Variants in GPATCH2 observed in about 807,000 individuals in gnomAD.
GPATCH2 encodes G patch domain-containing protein 2.
A neutral mutation model predicts 58.0 loss-of-function variants in GPATCH2; 51 were observed. The observed-to-expected ratio is 0.88, with a 90% CI of 0.70 to 1.11. The LOEUF is 1.11. GPATCH2 is among the 50% of genes most tolerant of loss of function. GPATCH2 has a pLI of 0.00. For missense variants in GPATCH2, 625 were observed against 652.2 expected (o/e 0.96, Z 0.45); for synonymous variants, 222 against 218.5 (o/e 1.02, Z -0.14).
At chr1:217,497,532 A>G (rs2810781) in intron 7 of GPATCH2, among the ~76,000 whole-genome samples, 139,075 of 152,174 alleles carry the variant, frequency 0.91, 63,684 homozygotes, top group African/African-American at 0.97. Flanking sequence ...TATATGCAAC[A>G]GCTGTGAACC....
chr1:217,608,931 T>C (rs4147127), intron 5 of GPATCH2: 606,764 of 981,718 alleles, frequency 0.62, 189,325 homozygotes, highest in African/African-American at 0.68. Flanking sequence ...CACATTCCTG[T>C]TTAATGCATT....
chr1:217,452,352 T>C (rs368564084), intron 8 of GPATCH2, among the ~76,000 whole-genome samples: 1 of 152,230 alleles, frequency 6.6e-6, no homozygotes, highest in African/African-American at 2.4e-5. Context: ...TCAGATACTT[T>C]TAAAGCTCAA....
At chr1:217,623,277 A>G (rs571548178) in intron 1 of GPATCH2, among the ~76,000 whole-genome samples, 3 of 152,188 alleles carry the variant, frequency 2.0e-5, no homozygotes, top group African/African-American at 7.2e-5. Context: ...ATATAATATC[A>G]AATTAAAGTC....
intron 5 of GPATCH2, among the ~76,000 whole-genome samples, chr1:217,560,111 G>C (rs1484933367): frequency 6.6e-6 from 1 of 152,154 alleles, no homozygotes; most frequent in Admixed American, 6.5e-5. Flanking sequence ...CCAAAGTGTT[G>C]GGATTACAGG....
Position 217,491,739 on chromosome 1 carries a change from C to G in GPATCH2, c.1218G>C (p.Leu406=). 1 of 1,423,454 alleles carries G rather than the reference C, an allele frequency of 7.0e-7. No homozygotes were observed. The highest frequency in any genetic ancestry group is 1.2e-5 in the South Asian group (1 of 82,984). The allele number at this position is 1,423,454 out of a possible 1,614,324, so 88.2% of individuals were successfully genotyped here. ...GTCCTCTTTCAGCTCGATTATCTCT[C>G]AGAAGCTGATGCTACACAAAGTGTT... ...ARTEHDQHQL[L]RDNRAERGHK... The change falls in exon 8 of 10, where the codon CTG becomes CTC. Residue 406 remains leucine (L), a synonymous_variant. Transcript: ENST00000366935.
intron 5 of GPATCH2, among the ~76,000 whole-genome samples, chr1:217,519,929 T>C (rs12758278): frequency 4.4e-3 from 667 of 152,366 alleles, no homozygotes; most frequent in Non-Finnish European, 7.6e-3. Flanking sequence ...TTTTGATGTC[T>C]TGATAAAGTC....
chr1:217,613,682 T>C (rs188770517), intron 3 of GPATCH2, among the ~76,000 whole-genome samples: 34 of 152,250 alleles, frequency 2.2e-4, no homozygotes, highest in African/African-American at 7.9e-4. Flanking sequence ...GTTTACAATA[T>C]TGAATTCATA....
intron 5 of GPATCH2, among the ~76,000 whole-genome samples, chr1:217,517,597 C>T (rs899939281): frequency 9.2e-5 from 14 of 152,054 alleles, no homozygotes; most frequent in African/African-American, 3.4e-4. Context: ...TTAAGGAATT[C>T]TTTCTAAAAG....
rs552780314 is a variant in GPATCH2, at chr1:217,628,043, C to T, written c.56+2873G>A. Among the ~76,000 whole-genome samples, 50 of 152,150 alleles carry T rather than the reference C, an allele frequency of 3.3e-4. 2 individuals are homozygous for T. The highest frequency in any genetic ancestry group is 1.0e-3 in the African/African-American group (43 of 41,560). On this transcript the variant is annotated intron_variant, in intron 1 of 9. Transcript: ENST00000366935. ...GAGTCTTATTTAATGTTTATATTAA[C>T]ATACAGTAACTGTTCAATAAAAATT... is the stretch of plus-strand genomic sequence containing the variant.
intron 8 of GPATCH2, among the ~76,000 whole-genome samples, chr1:217,450,935 C>T (rs1305003674): frequency 6.6e-6 from 1 of 151,996 alleles, no homozygotes; most frequent in East Asian, 1.9e-4. Flanking sequence ...ATTCAGCAAA[C>T]ATTTATCAGT....
At chr1:217,557,528 G>A (rs1279766976) in intron 5 of GPATCH2, among the ~76,000 whole-genome samples, 1 of 150,898 alleles carries the variant, frequency 6.6e-6, no homozygotes, top group African/African-American at 2.4e-5. Context: ...TCATAGAGTT[G>A]TTCTCCGATA....
At chr1:217,454,806 T>A (rs896931038) in intron 8 of GPATCH2, among the ~76,000 whole-genome samples, 1 of 149,382 alleles carries the variant, frequency 6.7e-6, no homozygotes, top group Non-Finnish European at 1.5e-5. Context: ...CTAATTTTCA[T>A]ATTTTTACTA....
chr1:217,575,722 C>A (rs1666774601), intron 5 of GPATCH2, among the ~76,000 whole-genome samples: 1 of 152,076 alleles, frequency 6.6e-6, no homozygotes, highest in South Asian at 2.1e-4. Context: ...AAGACCTGCT[C>A]TAGATTTCAA....
chr1:217,615,346 T>C (rs1668831392), intron 2 of GPATCH2, among the ~76,000 whole-genome samples: 1 of 152,146 alleles, frequency 6.6e-6, no homozygotes, highest in African/African-American at 2.4e-5. Flanking sequence ...GACCTCTCTC[T>C]AGCTTTCTTC....
chr1:217,609,724 A>T, intron 5 of GPATCH2: 4 of 947,076 alleles, frequency 4.2e-6, no homozygotes, highest in Non-Finnish European at 5.0e-6. Flanking sequence ...ATAAATGTCA[A>T]TGCATCATGA....
chr1:217,493,411 C>T (rs1160821777), intron 7 of GPATCH2, among the ~76,000 whole-genome samples: 3 of 152,032 alleles, frequency 2.0e-5, no homozygotes, highest in Non-Finnish European at 2.9e-5. Flanking sequence ...GGGGTATGTA[C>T]CATGCTGTTG....
chr1:217,527,429 G>A (rs1398620034), intron 5 of GPATCH2, among the ~76,000 whole-genome samples: 2 of 151,520 alleles, frequency 1.3e-5, no homozygotes, highest in Non-Finnish European at 2.9e-5. Flanking sequence ...CATGTGCCTT[G>A]TGCCCTTCTT....
At chr1:217,624,957 T>C (rs183236955) in intron 1 of GPATCH2, among the ~76,000 whole-genome samples, 85 of 152,324 alleles carry the variant, frequency 5.6e-4, no homozygotes, top group Middle Eastern at 6.8e-3. Flanking sequence ...AACAAAATTA[T>C]GGCCCCAACA....
At chr1:217,609,487 A>T in intron 5 of GPATCH2, 1 of 984,172 alleles carries the variant, frequency 1.0e-6, no homozygotes, top group Non-Finnish European at 1.2e-6. Flanking sequence ...TGGCTAATTT[A>T]AAACGAGGAT....
Sources: gnomAD v4.1 joint callset for allele counts (sites outside exome capture counted in the v4.1 genomes callset) on GRCh38, gnomAD v4.1.1 for gene constraint, MANE v1.5 for transcripts, NCBI Gene and HGNC (gene_info 2026-07-23, HGNC 2026-07-21) for gene names.